The following PTPRD variants were observed in gnomAD, a reference collection of about 807,000 sequenced individuals.
The protein encoded by PTPRD is protein tyrosine phosphatase receptor type D.
Under a neutral mutation model 214.5 loss-of-function variants are expected in PTPRD, and 34 were observed. That is an observed-to-expected ratio of 0.16 (90% CI 0.12 to 0.21). The LOEUF (loss-of-function observed/expected upper bound fraction) is 0.21, where lower values mean the gene tolerates loss of function less well. Ranked by LOEUF, PTPRD falls within the 10% of genes least tolerant of loss-of-function variation. The pLI is 1.00. For missense variants in PTPRD, 2,545 were observed against 2,398.7 expected (o/e 1.06, Z -1.27); for synonymous variants, 1,128 against 845.7 (o/e 1.33, Z -5.79).
intron 2 of PTPRD, among the ~76,000 whole-genome samples, chr9:10,416,797 T>C (rs1032504765): frequency 6.6e-6 from 1 of 151,816 alleles, no homozygotes; most frequent in Non-Finnish European, 1.5e-5. Flanking sequence ...GGTGTTTCCA[T>C]ACAGTGGGTG....
intron 11 of PTPRD, among the ~76,000 whole-genome samples, chr9:8,742,275 T>C (rs942985788): frequency 2.0e-5 from 3 of 152,166 alleles, no homozygotes; most frequent in African/African-American, 7.2e-5. Flanking sequence ...CACAACATGA[T>C]GTTTGAAGTA....
rs573545497 is a variant in PTPRD, at chr9:9,285,058, A to G, written c.-202-101695T>C. On this transcript the variant is annotated intron_variant, in intron 9 of 45. Coordinates refer to ENST00000381196, the MANE Select transcript of PTPRD (RefSeq NM_002839.4). ...TGAATAGGCCTAAAAATAACATTCC[A>G]TTTCATTTCCCACCACCTAGTATGT... Among the ~76,000 whole-genome samples the G allele has an allele frequency of 9.2e-5, 14 of 151,862 alleles. No homozygotes were observed. In the South Asian group the frequency reaches 2.9e-3, roughly 31 times the overall value.
intron 35 of PTPRD, among the ~76,000 whole-genome samples, chr9:8,409,543 A>G (rs1291134453): frequency 6.6e-6 from 1 of 152,226 alleles, no homozygotes; most frequent in Admixed American, 6.5e-5. Context: ...ACAGTCACCA[A>G]GTAAAATTAT....
chr9:8,948,465 TTACATATA>T lies in PTPRD; in HGVS notation c.-104+70224_-104+70231del, dbSNP rs1397300278. Among the ~76,000 whole-genome samples, 209 of 6,694 alleles carry T rather than the reference TTACATATA, an allele frequency of 0.031. 22 individuals are homozygous for T. In the East Asian group the frequency reaches 0.34, roughly 11 times the overall value. 4.4% of individuals were successfully genotyped at this position (6,694 alleles called of 152,430 possible). A position where few individuals can be genotyped will look rare whatever the true frequency, so the allele number is the denominator to read the frequency against. On this transcript the variant is annotated intron_variant, in intron 11 of 45. Coordinates refer to ENST00000381196, the MANE Select transcript of PTPRD (RefSeq NM_002839.4). Reference sequence around the variant, plus strand: ...CATATATATATATTTATATATATATTTACATATATATATATTTATATATATATTTATAT... The same window carrying T: ...CATATATATATATTTATATATATATTTATATATTTATATATATATTTATAT...
chr9:10,176,776 T>A (rs2099251067), intron 3 of PTPRD, among the ~76,000 whole-genome samples: 1 of 151,918 alleles, frequency 6.6e-6, no homozygotes, highest in South Asian at 2.1e-4. Flanking sequence ...AGTACTACAT[T>A]CCAAAGAAGA....
Position 9,517,884 on chromosome 9 carries a change from T to C in PTPRD, c.-237+56848A>G, listed in dbSNP as rs532963403. Among the ~76,000 whole-genome samples the C allele has an allele frequency of 1.2e-4, 19 of 152,200 alleles. 2 individuals carry two copies. The South Asian group carries it at 3.9e-3, about 32-fold the overall frequency. On this transcript the variant is annotated intron_variant, in intron 8 of 45. Transcript: ENST00000381196. Reference sequence around the variant, plus strand: ...ATTTACTTAGAAAAGAAACTTCTAATTCAAATTCCTTGAAACAATTGTAAT... The same window carrying C: ...ATTTACTTAGAAAAGAAACTTCTAACTCAAATTCCTTGAAACAATTGTAAT...
chr9:9,012,344 G>T (rs2099515250), intron 11 of PTPRD, among the ~76,000 whole-genome samples: 1 of 152,144 alleles, frequency 6.6e-6, no homozygotes, highest in South Asian at 2.1e-4. Flanking sequence ...AATATATTTT[G>T]TGTTAATCTG....
In PTPRD at chr9:8,484,153, G is replaced by T. The variant is rs1349731798; in HGVS notation, c.3379C>A (p.Gln1127Lys). 6.2e-7 allele frequency: 1 copy of T among 1,614,074 alleles called. No individual in the cohort carries two copies. Among genetic ancestry groups the T allele is most frequent in the East Asian group, 2.2e-5 (1 of 44,866 alleles). ...TCATTTGCAGGTACTTCAGGCAGTTGCACAGTAATCATGCCATCCAAGTTG... is the reference window on the plus strand; with the variant it reads ...TCATTTGCAGGTACTTCAGGCAGTTTCACAGTAATCATGCCATCCAAGTTG... ...KTNLDGMITV[Q>K]LPEVPANENI... Residue 1127 changes from glutamine (Q) to lysine (K), a missense_variant, in exon 30 of 46, where the codon CAA becomes AAA. By Grantham distance (53) the Gln-to-Lys change is moderately conservative. Transcript: ENST00000381196.
In PTPRD at chr9:10,126,426, TACACACACACACAC is replaced by T. The variant is rs57563877; in HGVS notation, c.-544-92650_-544-92637del. ...TCCTTAAATAATACTGTTTTATATA[TACACACACACACAC>T]ACACACACACACACACACACACATT... On this transcript the variant is annotated intron_variant, in intron 3 of 45. Transcript: ENST00000381196. Among the ~76,000 whole-genome samples the T allele has an allele frequency of 1.4e-3, 133 of 96,246 alleles. 2 individuals carry two copies. Among genetic ancestry groups the T allele is most frequent in the African/African-American group, 3.9e-3 (124 of 31,578 alleles). 63.1% of individuals were successfully genotyped at this position (96,246 alleles called of 152,430 possible). A position where few individuals can be genotyped will look rare whatever the true frequency, so the allele number is the denominator to read the frequency against.
At chr9:10,493,427 G>A (rs909606930) in intron 2 of PTPRD, among the ~76,000 whole-genome samples, 1 of 151,882 alleles carries the variant, frequency 6.6e-6, no homozygotes, top group Non-Finnish European at 1.5e-5. Flanking sequence ...CAGAACAGAG[G>A]CCTCAGAAAT....
intron 9 of PTPRD, among the ~76,000 whole-genome samples, chr9:9,269,964 T>G (rs1349038154): frequency 6.6e-6 from 1 of 150,484 alleles, no homozygotes; most frequent in Non-Finnish European, 1.5e-5. Context: ...TAATATCGAT[T>G]TAATATAATA....
chr9:9,800,166 A>T (rs1352755763), intron 5 of PTPRD, among the ~76,000 whole-genome samples: 1 of 152,094 alleles, frequency 6.6e-6, no homozygotes, highest in Non-Finnish European at 1.5e-5. Context: ...CTTAATGCCC[A>T]TTTGTTTTAT....
chr9:8,602,458 G>A (rs2094927208), intron 14 of PTPRD, among the ~76,000 whole-genome samples: 1 of 152,330 alleles, frequency 6.6e-6, no homozygotes, highest in Middle Eastern at 3.4e-3. Flanking sequence ...TATCAGGAAT[G>A]AGAATACCAG....
In PTPRD at chr9:9,797,118, T is replaced by G. The variant is rs1170988288; in HGVS notation, c.-367-30267A>C. 3.3e-5 allele frequency among the ~76,000 whole-genome samples: 5 copies of G among 152,050 alleles called. No homozygotes were observed. In the East Asian group the frequency reaches 7.7e-4, roughly 24 times the overall value. ...CATGGGGAAGGAATAAAAAACACATTTTAGAAGAGAGTGTTACAAAGTATT... is the reference window on the plus strand; with the variant it reads ...CATGGGGAAGGAATAAAAAACACATGTTAGAAGAGAGTGTTACAAAGTATT... On this transcript the variant is annotated intron_variant, in intron 5 of 45. Coordinates refer to ENST00000381196, the MANE Select transcript of PTPRD (RefSeq NM_002839.4).
rs1015649942 is a variant in PTPRD at position 9,448,662 on chromosome 9, T to A, written c.-236-51180A>T. Among the ~76,000 whole-genome samples the A allele has an allele frequency of 4.6e-5, 7 of 151,956 alleles. 1 individual carries two copies. The highest frequency in any genetic ancestry group is 4.6e-4 in the Admixed American group (7 of 15,242). On this transcript the variant is annotated intron_variant, in intron 8 of 45. Coordinates refer to ENST00000381196, the MANE Select transcript of PTPRD (RefSeq NM_002839.4). ...TGCCCTGCTCTAAGAGTTACACACA[T>A]AATAGGGAAGAAAACAGGTCAGCTC...
intron 14 of PTPRD, among the ~76,000 whole-genome samples, chr9:8,545,004 T>C (rs1397520903): frequency 6.6e-6 from 1 of 151,738 alleles, no homozygotes; most frequent in Non-Finnish European, 1.5e-5. Flanking sequence ...GAACAAAACT[T>C]TCTGGGATAT....
intron 14 of PTPRD, among the ~76,000 whole-genome samples, chr9:8,567,327 T>C (rs1014775231): frequency 6.6e-6 from 1 of 152,218 alleles, no homozygotes; most frequent in Non-Finnish European, 1.5e-5. Context: ...AAATGTTCTT[T>C]AAGGCATAGC....
intron 8 of PTPRD, among the ~76,000 whole-genome samples, chr9:9,404,149 C>A (rs1308524019): frequency 6.6e-6 from 1 of 151,936 alleles, no homozygotes; most frequent in Non-Finnish European, 1.5e-5. Context: ...TTAAGGAGTG[C>A]AAGTAGGCCA....
At chr9:8,470,427 T>C (rs1357222509) in intron 31 of PTPRD, among the ~76,000 whole-genome samples, 1 of 152,184 alleles carries the variant, frequency 6.6e-6, no homozygotes, top group Non-Finnish European at 1.5e-5. Context: ...TTTCTTATTC[T>C]ATATATTCTG....
Sources: gnomAD v4.1 joint callset for allele counts (sites outside exome capture counted in the v4.1 genomes callset) on GRCh38, gnomAD v4.1.1 for gene constraint, MANE v1.5 for transcripts, NCBI Gene and HGNC (gene_info 2026-07-23, HGNC 2026-07-21) for gene names.